SHISA9: variants seen among roughly 807,000 people sequenced by gnomAD.
The protein encoded by SHISA9 is protein shisa-9.
Under a neutral mutation model 38.0 loss-of-function variants are expected in SHISA9, and 13 were observed. The observed-to-expected ratio is 0.34, with a 90% CI of 0.22 to 0.54. The LOEUF is 0.54. Among genes scored for constraint, SHISA9 ranks in the 20% least tolerant of loss-of-function variants. The pLI is 0.91. For synonymous variants in SHISA9, 275 were observed against 242.0 expected (o/e 1.14, Z -1.27); for missense variants, 538 against 575.8 (o/e 0.93, Z 0.67).
At chr16:13,218,806 C>G (rs1280258060) in intron 4 of SHISA9, among the ~76,000 whole-genome samples, 1 of 152,122 alleles carries the variant, frequency 6.6e-6, no homozygotes, top group Non-Finnish European at 1.5e-5. Flanking sequence ...GCAGGAGGCA[C>G]AAGACAATAG....
the SHISA9 span, among the ~76,000 whole-genome samples, chr16:13,334,975 G>A: frequency 3.8e-4 from 58 of 152,256 alleles, no homozygotes; most frequent in South Asian, 0.012. Context: ...ATATTCTAGA[G>A]ACAAGGTAAC....
chr16:13,124,832 C>G (rs916019947), intron 2 of SHISA9, among the ~76,000 whole-genome samples: 1 of 152,144 alleles, frequency 6.6e-6, no homozygotes, highest in Non-Finnish European at 1.5e-5. Context: ...GTGGTAAACT[C>G]ATTTTTGACA....
chr16:13,213,517 T>C (rs149264735), intron 4 of SHISA9, among the ~76,000 whole-genome samples: 1 of 152,262 alleles, frequency 6.6e-6, no homozygotes, highest in East Asian at 1.9e-4. Context: ...GTGGTAGCCC[T>C]CACTTCCCAA....
chr16:13,015,884 TTCTTTCTTTCTTTC>T (rs1308101990), intron 2 of SHISA9, among the ~76,000 whole-genome samples: 1 of 113,686 alleles, frequency 8.8e-6, no homozygotes, highest in African/African-American at 3.0e-5. Flanking sequence ...CTTTCTTTCT[TTCTTTCTTTCTTTC>T]TTTCTTTCTT....
chr16:13,415,625 C>CA, the SHISA9 span, among the ~76,000 whole-genome samples: 3 of 151,906 alleles, frequency 2.0e-5, no homozygotes, highest in Non-Finnish European at 2.9e-5. Context: ...AATCACATGA[C>CA]AAAAAGGAAT....
At chr16:13,367,697 TGCGCGCGCGC>T in the SHISA9 span, among the ~76,000 whole-genome samples, 11 of 116,124 alleles carry the variant, frequency 9.5e-5, no homozygotes, top group African/African-American at 3.5e-4. Context: ...CGCGTGTGCG[TGCGCGCGCGC>T]GCGCGCACAC....
chr16:13,051,819 C>G (rs376155023), intron 2 of SHISA9, among the ~76,000 whole-genome samples: 2 of 151,368 alleles, frequency 1.3e-5, no homozygotes, highest in Non-Finnish European at 2.9e-5. Context: ...GGCTGGAGTG[C>G]AGAGGCACGA....
the SHISA9 span, among the ~76,000 whole-genome samples, chr16:13,387,815 C>G: frequency 6.6e-6 from 1 of 152,108 alleles, no homozygotes; most frequent in Non-Finnish European, 1.5e-5. Context: ...TGCATTTTCA[C>G]TGATGAAAAT....
chr16:13,156,404 A>T (rs1450435865), intron 2 of SHISA9, among the ~76,000 whole-genome samples: 1 of 152,178 alleles, frequency 6.6e-6, no homozygotes, highest in Non-Finnish European at 1.5e-5. Context: ...CAATCCTGCC[A>T]ACACTCATTG....
chr16:13,402,962 C>T, the SHISA9 span, among the ~76,000 whole-genome samples: 2 of 152,032 alleles, frequency 1.3e-5, no homozygotes, highest in African/African-American at 4.8e-5. Flanking sequence ...ACTAAAAGTA[C>T]AAAAAATTAG....
At chr16:12,907,687 C>A (rs1038926746) in intron 1 of SHISA9, among the ~76,000 whole-genome samples, 2 of 152,182 alleles carry the variant, frequency 1.3e-5, no homozygotes, top group African/African-American at 4.8e-5. Context: ...TCTTTAGTCT[C>A]TATTATGCGT....
At chr16:13,512,863 A>T in the SHISA9 span, among the ~76,000 whole-genome samples, 1 of 152,244 alleles carries the variant, frequency 6.6e-6, no homozygotes, top group African/African-American at 2.4e-5. Context: ...TTAACTCAAG[A>T]TGTATTAAAA....
intron 3 of SHISA9, 29 bp downstream of exon 3, chr16:13,203,578 C>T (rs772855438): frequency 6.9e-7 from 1 of 1,452,728 alleles, no homozygotes; most frequent in African/African-American, 1.4e-5. Flanking sequence ...ATCTTTTTCT[C>T]TTTCTCCTCT....
At chr16:13,241,988 G>A (rs1596763606), downstream of SHISA9, among the ~76,000 whole-genome samples, 1 of 152,290 alleles carries the variant, frequency 6.6e-6, no homozygotes. Flanking sequence ...TGAGCCACCT[G>A]GTGGATTATA....
chr16:12,929,983 T>G (rs2071442845), intron 2 of SHISA9, among the ~76,000 whole-genome samples: 1 of 152,144 alleles, frequency 6.6e-6, no homozygotes, highest in Non-Finnish European at 1.5e-5. Flanking sequence ...ACAGAAAATA[T>G]CCCAGCCCAT....
chr16:13,055,814 G>C (rs1253449967), intron 2 of SHISA9, among the ~76,000 whole-genome samples: 2 of 152,236 alleles, frequency 1.3e-5, no homozygotes, highest in Non-Finnish European at 2.9e-5. Context: ...ACTCAACCGA[G>C]ATGTATTGTT....
intron 2 of SHISA9, among the ~76,000 whole-genome samples, chr16:12,962,889 T>C (rs1019781024): frequency 6.6e-6 from 1 of 152,200 alleles, no homozygotes; most frequent in Non-Finnish European, 1.5e-5. Flanking sequence ...CACTCAGAGC[T>C]CTTCTTTCAG....
the SHISA9 span, among the ~76,000 whole-genome samples, chr16:13,452,214 G>T: frequency 6.6e-6 from 1 of 152,172 alleles, no homozygotes. Flanking sequence ...ACAGAGGGAG[G>T]GTGCACAGGG....
chr16:13,542,174 C>A, the SHISA9 span, among the ~76,000 whole-genome samples: 2 of 152,282 alleles, frequency 1.3e-5, no homozygotes, highest in East Asian at 3.8e-4. Flanking sequence ...TGCCCTTGAG[C>A]CTTCAGAGGG....
Sources: allele counts gnomAD v4.1 joint callset (sites outside exome capture counted in the v4.1 genomes callset), GRCh38; gene constraint gnomAD v4.1.1; transcripts MANE v1.5; gene names NCBI Gene and HGNC (gene_info 2026-07-23, HGNC 2026-07-21).